Variants in SLCO6A1 observed in about 807,000 individuals in gnomAD.
SLCO6A1 encodes cancer/testis antigen 48.
A neutral mutation model predicts 72.7 loss-of-function variants in SLCO6A1; 65 were observed. That is an observed-to-expected ratio of 0.89 (90% confidence interval 0.73 to 1.10). The LOEUF (loss-of-function observed/expected upper bound fraction) is 1.10. Ranked by LOEUF, SLCO6A1 falls within the 50% of genes least tolerant of loss-of-function variation. SLCO6A1 has a pLI of 0.00. For synonymous variants in SLCO6A1, 314 were observed against 298.2 expected (o/e 1.05, Z -0.55); for missense variants, 874 against 872.6 (o/e 1.00, Z -0.02).
chr5:102,477,165 C>T (rs1379232983), intron 3 of SLCO6A1, among the ~76,000 whole-genome samples: 1 of 152,030 alleles, frequency 6.6e-6, no homozygotes, highest in East Asian at 1.9e-4. Context: ...CTTGCTCTGT[C>T]ACCCAGGCAG....
chr5:102,437,577 G>T (rs1183958077), intron 7 of SLCO6A1, among the ~76,000 whole-genome samples: 2 of 152,040 alleles, frequency 1.3e-5, no homozygotes, highest in African/African-American at 2.4e-5. Flanking sequence ...AACCTGGTGT[G>T]CTCATGAAAA....
intron 9 of SLCO6A1, among the ~76,000 whole-genome samples, chr5:102,409,232 T>C (rs570001172): frequency 6.6e-6 from 1 of 152,260 alleles, no homozygotes; most frequent in East Asian, 1.9e-4. Flanking sequence ...TAGAGAAACC[T>C]AAAAATCGTT....
intron 10 of SLCO6A1, among the ~76,000 whole-genome samples, chr5:102,392,419 T>C (rs1359716530): frequency 6.6e-6 from 1 of 152,050 alleles, no homozygotes; most frequent in East Asian, 1.9e-4. Context: ...AATTCAGTGT[T>C]CTCCTTTATT....
In SLCO6A1 at chr5:102,377,878, T is replaced by C. The variant is rs143284076; in HGVS notation, c.2018-4384A>G. Among the ~76,000 whole-genome samples, 1,417 of 143,404 alleles carry C rather than the reference T, an allele frequency of 9.9e-3. 18 individuals carry two copies. The highest frequency in any genetic ancestry group is 0.034 in the African/African-American group (1,339 of 38,858). The allele number at this position is 143,404 out of a possible 152,430, so 94.1% of individuals were successfully genotyped here. A position where few individuals can be genotyped will look rare whatever the true frequency, so the allele number is the denominator to read the frequency against. The stretch of plus-strand genomic sequence containing the variant: ...TTGTACAGACAGGGTTTTGCCATAT[T>C]GCCCAGGCTGGTCTTAAACTCTTTT... On this transcript the variant is annotated intron_variant, in intron 12 of 13. Transcript: ENST00000506729.
chr5:102,382,102 CT>C (rs1210765890), intron 12 of SLCO6A1, among the ~76,000 whole-genome samples: 1 of 150,798 alleles, frequency 6.6e-6, no homozygotes, highest in African/African-American at 2.4e-5. Flanking sequence ...TCTATTTTTG[CT>C]TTTGTTGCCT....
intron 8 of SLCO6A1, among the ~76,000 whole-genome samples, chr5:102,418,869 C>T (rs1748435963): frequency 6.6e-6 from 1 of 152,114 alleles, no homozygotes. Flanking sequence ...AGCCTCCTAG[C>T]TTCATAATAC....
Position 102,475,756 on chromosome 5 carries a change from C to T in SLCO6A1, c.840G>A (p.Leu280=). The T allele has an allele frequency of 6.2e-7, 1 of 1,608,688 alleles. No homozygotes were observed. Among genetic ancestry groups the T allele is most frequent in the Non-Finnish European group, 8.5e-7 (1 of 1,177,158 alleles). ...AECTSMIGYA[L]GYVLGAPLVK... is the part of the protein sequence containing the mutation. ...CTAGTGGTGCTCCTAGCACATAACCCAGAGCATATCCAATCATTGATGTAC... is the reference window on the plus strand; with the variant it reads ...CTAGTGGTGCTCCTAGCACATAACCTAGAGCATATCCAATCATTGATGTAC... The change falls in exon 4 of 14, where the codon CTG becomes CTA. Residue 280 remains leucine, a synonymous_variant. Transcript: ENST00000506729.
At position 102,462,381 on chromosome 5, in the gene SLCO6A1, A is replaced by G. The variant is rs1751082454; in HGVS notation, c.900-2604T>C. ...GATCATTCTTCACAGAACTAGAAAA[A>G]ACAATCCTAAAATTCACATGGAACT... On this transcript the variant is annotated intron_variant, in intron 4 of 13. Coordinates refer to ENST00000506729, the MANE Select transcript of SLCO6A1 (RefSeq NM_173488.5). 2.6e-5 allele frequency among the ~76,000 whole-genome samples: 4 copies of G among 152,202 alleles called. No homozygotes were observed. The South Asian group carries it at 8.3e-4, about 32-fold the overall frequency.
chr5:102,440,939 G>T (rs185606347), intron 6 of SLCO6A1, among the ~76,000 whole-genome samples: 1 of 152,218 alleles, frequency 6.6e-6, no homozygotes, highest in East Asian at 1.9e-4. Context: ...GATTCTTTTT[G>T]TGTGTATGAA....
At chr5:102,417,060 G>A (rs1748324273) in intron 8 of SLCO6A1, among the ~76,000 whole-genome samples, 1 of 152,078 alleles carries the variant, frequency 6.6e-6, no homozygotes. Flanking sequence ...GGATTGCTAT[G>A]TATTCCTGAT....
At chr5:102,482,590 A>T (rs1031733918) in intron 1 of SLCO6A1, among the ~76,000 whole-genome samples, 2 of 152,230 alleles carry the variant, frequency 1.3e-5, no homozygotes, top group African/African-American at 4.8e-5. Flanking sequence ...CTTCAATAAG[A>T]CATCATAATT....
At chr5:102,458,051 T>A (rs957114522) in intron 6 of SLCO6A1, among the ~76,000 whole-genome samples, 12 of 150,594 alleles carry the variant, frequency 8.0e-5, no homozygotes, top group Non-Finnish European at 1.6e-4. Context: ...AATTGAACAA[T>A]AAGAACACAT....
chr5:102,450,591 C>T (rs1750361626), intron 6 of SLCO6A1, among the ~76,000 whole-genome samples: 1 of 152,240 alleles, frequency 6.6e-6, no homozygotes, highest in African/African-American at 2.4e-5. Context: ...CTTGGCATTT[C>T]CGGGCTGCGC....
chr5:102,404,789 T>G (rs1477343335), intron 9 of SLCO6A1, among the ~76,000 whole-genome samples: 3 of 152,136 alleles, frequency 2.0e-5, no homozygotes, highest in African/African-American at 7.2e-5. Context: ...CACTAGAGAA[T>G]GTATACCTGT....
rs1750851871 is a variant in SLCO6A1, at chr5:102,458,407, A to G, written c.1106T>C (p.Ile369Thr). 2 of 1,612,060 alleles carry G rather than the reference A, an allele frequency of 1.2e-6. No homozygotes were observed. Among genetic ancestry groups the G allele is most frequent in the Non-Finnish European group, 1.7e-6 (2 of 1,178,876 alleles). The change falls in exon 6 of 14, where the codon ATC becomes ACC. Residue 369 changes from isoleucine (I) to threonine (T), a missense_variant. By Grantham distance (89) the Ile-to-Thr change is moderately conservative. Transcript: ENST00000506729. ...RLKDLKLGTN[I>T]KDLCAALWIL... ...CCAAAGAGCAGCACATAAATCCTTGATATTAGTTCCAAGTTTCAGATCTTT... is the reference window on the plus strand; with the variant it reads ...CCAAAGAGCAGCACATAAATCCTTGGTATTAGTTCCAAGTTTCAGATCTTT...
At position 102,498,669 on chromosome 5, in the gene SLCO6A1, A is replaced by G. The variant is rs1156909976; in HGVS notation, c.176T>C (p.Ile59Thr). Residue 59 changes from isoleucine (I) to threonine (T), a missense_variant, in exon 1 of 14, where the codon ATA (isoleucine) becomes ACA (threonine). Ile to Thr is a moderately conservative substitution (Grantham distance 89). Transcript: ENST00000506729. ...CCTTTTTCGGAAACCGCCGAACCTT[A>G]TCAAGGCCTCTGGAAGTAGTCTCAG... ...RYLRLLPEAL[I>T]RFGGFRKRKK... The G allele has an allele frequency of 3.1e-6, 5 of 1,614,192 alleles. No individual in the cohort carries two copies. The South Asian group carries it at 5.5e-5, about 18-fold the overall frequency.
intron 1 of SLCO6A1, among the ~76,000 whole-genome samples, chr5:102,493,607 T>G (rs894996415): frequency 6.6e-6 from 1 of 152,216 alleles, no homozygotes; most frequent in Non-Finnish European, 1.5e-5. Flanking sequence ...TTGCTTTTCC[T>G]AATTTCTATT....
intron 2 of SLCO6A1, among the ~76,000 whole-genome samples, chr5:102,478,851 C>G (rs1382358425): frequency 5.3e-5 from 8 of 152,144 alleles, no homozygotes; most frequent in Non-Finnish European, 1.2e-4. Context: ...GTTTAGTATC[C>G]ATGTGAAATG....
intron 1 of SLCO6A1, among the ~76,000 whole-genome samples, chr5:102,481,231 A>C (rs539404169): frequency 0.017 from 2,613 of 151,514 alleles, 34 homozygotes; most frequent in African/African-American, 0.033. Flanking sequence ...CAATCACTAC[A>C]TTTTTTTTTT....
Sources: allele counts gnomAD v4.1 joint callset (sites outside exome capture counted in the v4.1 genomes callset), GRCh38; gene constraint gnomAD v4.1.1; transcripts MANE v1.5; gene names NCBI Gene and HGNC (gene_info 2026-07-23, HGNC 2026-07-21).